The following AGO1 variants were observed in gnomAD, a reference collection of about 807,000 sequenced individuals.
AGO1 encodes the protein protein argonaute-1.
AGO1 carries 11 observed loss-of-function variants against 109.2 expected under a neutral mutation model. The observed-to-expected ratio is 0.10, with a 90% CI of 0.06 to 0.17. AGO1 has a LOEUF of 0.17. Among genes scored for constraint, AGO1 ranks in the 10% least tolerant of loss-of-function variants. AGO1 has a pLI of 1.00. For synonymous variants in AGO1, 422 were observed against 418.6 expected, an observed-to-expected ratio of 1.01 and a Z score of -0.10; for missense variants, 574 against 1,140.3, an observed-to-expected ratio of 0.50 and a Z score of 7.15.
At chr1:35,899,136 C>G (rs142719208) in intron 8 of AGO1, among the ~76,000 whole-genome samples, 34 of 152,332 alleles carry the variant, frequency 2.2e-4, no homozygotes, top group African/African-American at 7.9e-4. Flanking sequence ...TAAGTGGAAT[C>G]ATAGTATTTG....
intron 1 of AGO1, among the ~76,000 whole-genome samples, chr1:35,884,444 TG>T (rs1248179155): frequency 6.6e-6 from 1 of 152,184 alleles, no homozygotes; most frequent in Non-Finnish European, 1.5e-5. Context: ...TGAGTAGTGA[TG>T]GGGGCTTTTA....
rs996864302 is a variant in AGO1 at position 35,928,397 on chromosome 1, C to T, written c.*8790C>T. 6.6e-6 allele frequency: 1 copy of T among 152,280 alleles called. No individual in the cohort carries two copies. Among genetic ancestry groups the T allele is most frequent in the African/African-American group, 2.4e-5 (1 of 41,454 alleles). 9.4% of individuals were successfully genotyped at this position (152,280 alleles called of 1,614,324 possible). ...CTGGGCTCAAGCAATCCTCCCACCT[C>T]AGCCTCCTGAGTAGCTGGGCTTACA... On this transcript the variant is annotated 3_prime_UTR_variant, in exon 19 of 19. Transcript: ENST00000373204.
intron 1 of AGO1, among the ~76,000 whole-genome samples, chr1:35,884,294 G>C (rs1439370588): frequency 1.3e-5 from 2 of 152,134 alleles, no homozygotes; most frequent in African/African-American, 4.8e-5. Context: ...GAAAGACTGG[G>C]ACCGAAGCGA....
At chr1:35,879,016 TCTGGCCCA>T (rs1243112555), upstream of AGO1, among the ~76,000 whole-genome samples, 1 of 152,168 alleles carries the variant, frequency 6.6e-6, no homozygotes, top group Non-Finnish European at 1.5e-5. Flanking sequence ...AGTAGAAGAC[TCTGGCCCA>T]CACAGCAGAG....
At chr1:35,878,851 T>C (rs1645012392), upstream of AGO1, among the ~76,000 whole-genome samples, 1 of 152,200 alleles carries the variant, frequency 6.6e-6, no homozygotes, top group Non-Finnish European at 1.5e-5. Flanking sequence ...TTTACTTATT[T>C]AATCTGTTAA....
At position 35,883,923 on chromosome 1, in the gene AGO1, G is replaced by A. The variant is rs773321865; in HGVS notation, c.25+477G>A. Among the ~76,000 whole-genome samples the A allele has an allele frequency of 6.6e-6, 1 of 152,250 alleles. No homozygotes were observed. The highest frequency in any genetic ancestry group is 1.5e-5 in the Non-Finnish European group (1 of 68,044). On this transcript the variant is annotated intron_variant, in intron 1 of 18. Coordinates refer to ENST00000373204, the MANE Select transcript of AGO1 (RefSeq NM_012199.5). The surrounding 1 kb of genome is among the most constrained non-coding windows in gnomAD (Gnocchi z 5.4). ...AGCTCCGCCCCACTGGGCCTGACGCGAGGGCGAGGGTCAGGGGGCGGTGGG... is the reference window on the plus strand; with the variant it reads ...AGCTCCGCCCCACTGGGCCTGACGCAAGGGCGAGGGTCAGGGGGCGGTGGG...
chr1:35,898,752 AT>A (rs1281451008), intron 8 of AGO1, among the ~76,000 whole-genome samples: 2 of 152,240 alleles, frequency 1.3e-5, no homozygotes, highest in African/African-American at 4.8e-5. Flanking sequence ...TGAAGATTCA[AT>A]TAGAAACTAG....
intron 15 of AGO1, 34 bp downstream of exon 15, chr1:35,915,576 A>G: frequency 6.3e-7 from 1 of 1,593,552 alleles, no homozygotes; most frequent in Non-Finnish European, 8.6e-7. Flanking sequence ...AAACCTTCAC[A>G]TCATGGCTGG....
upstream of AGO1, among the ~76,000 whole-genome samples, chr1:35,880,600 T>C (rs996296222): frequency 3.9e-5 from 6 of 152,180 alleles, no homozygotes; most frequent in Admixed American, 2.0e-4. Flanking sequence ...ATGATTATGA[T>C]AGCAGCTGAT....
At chr1:35,918,269 C>T (rs1645770635) in intron 16 of AGO1, 53 bp from the exon 17 acceptor site, 1 of 1,431,094 alleles carries the variant, frequency 7.0e-7, no homozygotes, top group Non-Finnish European at 9.9e-7. Context: ...AGCCAGGGTC[C>T]TGGTTAGGGC....
intron 11 of AGO1, among the ~76,000 whole-genome samples, chr1:35,905,217 A>G (rs925463543): frequency 1.1e-4 from 17 of 152,206 alleles, no homozygotes; most frequent in African/African-American, 4.1e-4. Flanking sequence ...TGGCTTTTTA[A>G]TAGCTACATT....
At chr1:35,880,664 G>T (rs1342154314), upstream of AGO1, among the ~76,000 whole-genome samples, 3 of 152,050 alleles carry the variant, frequency 2.0e-5, no homozygotes, top group African/African-American at 7.2e-5. Flanking sequence ...GTTTCGTTTT[G>T]TTTTTTGTTT....
rs1398233997 is a variant in AGO1, at chr1:35,883,287, G to A, written c.-135G>A. On this transcript the variant is annotated 5_prime_UTR_variant, in exon 1 of 19. Transcript: ENST00000373204. The surrounding 1 kb of genome is among the most constrained non-coding windows in gnomAD (Gnocchi z 5.4). ...CGGCAACGGAGGCTGCGGGGGCGGC[G>A]GCGCGAGCGGCCGGGCTTGGTAGGG... is the stretch of plus-strand genomic sequence containing the variant. The A allele has an allele frequency of 4.9e-6, 7 of 1,418,704 alleles. No individual in the cohort carries two copies. In the East Asian group the frequency reaches 1.2e-4, roughly 25 times the overall value. The allele number at this position is 1,418,704 out of a possible 1,614,324, so 87.9% of individuals were successfully genotyped here.
intron 1 of AGO1, among the ~76,000 whole-genome samples, chr1:35,876,501 C>T (rs941251153): frequency 7.2e-5 from 11 of 152,002 alleles, no homozygotes; most frequent in South Asian, 2.1e-4. Context: ...CTCCAGACTT[C>T]GTGATCCGCC....
chr1:35,887,396 C>G (rs1014696587), intron 1 of AGO1, among the ~76,000 whole-genome samples: 7 of 152,202 alleles, frequency 4.6e-5, no homozygotes, highest in African/African-American at 1.7e-4. Context: ...CTCTCTTCCC[C>G]CCAAGCTAGA....
chr1:35,913,051 A>C (rs1373922403), intron 12 of AGO1, among the ~76,000 whole-genome samples: 2 of 141,838 alleles, frequency 1.4e-5, no homozygotes, highest in South Asian at 2.2e-4. Context: ...ATGGAGTCTC[A>C]CTCTGTCGCC....
intron 1 of AGO1, among the ~76,000 whole-genome samples, chr1:35,873,016 T>C (rs1257350911): frequency 6.6e-6 from 1 of 151,502 alleles, no homozygotes; most frequent in African/African-American, 2.4e-5. Flanking sequence ...GCTTCCCAAG[T>C]AGCTAAGATT....
chr1:35,899,243 A>G (rs146063761), intron 8 of AGO1, among the ~76,000 whole-genome samples: 56 of 152,354 alleles, frequency 3.7e-4, no homozygotes, highest in Non-Finnish European at 6.5e-4. Flanking sequence ...AGGCTGAATA[A>G]TAGTCCGTTG....
At position 35,892,558 on chromosome 1, in the gene AGO1, G is replaced by C; in HGVS notation, c.211G>C (p.Glu71Gln). The C allele has an allele frequency of 6.2e-7, 1 of 1,614,232 alleles. No individual in the cohort carries two copies. The highest frequency in any genetic ancestry group is 8.5e-7 in the Non-Finnish European group (1 of 1,180,044). ...PDKCPRRVNREVVEYMVQHFK... is the reference protein window; with the variant it reads ...PDKCPRRVNRQVVEYMVQHFK... ...ACAGGCCACTCCTATCCCCCACAGG[G>C]AAGTGGTGGAATACATGGTCCAGCA... Residue 71 changes from glutamate (E) to glutamine (Q), a missense_variant and splice_region_variant, in exon 3 of 19, where the codon GAA (glutamate) becomes CAA (glutamine). Physicochemically the swap from Glu to Gln is conservative, Grantham distance 29 (BLOSUM62 2). Coordinates refer to ENST00000373204, the MANE Select transcript of AGO1 (RefSeq NM_012199.5).
Sources: allele counts gnomAD v4.1 joint callset (sites outside exome capture counted in the v4.1 genomes callset), GRCh38; gene constraint gnomAD v4.1.1; non-coding constraint Gnocchi (gnomAD v3.1); transcripts MANE v1.5; gene names NCBI Gene and HGNC (gene_info 2026-07-23, HGNC 2026-07-21).